TCF7L2: variants seen among roughly 807,000 people sequenced by gnomAD.
TCF7L2 encodes transcription factor 7-like 2.
Under a neutral mutation model 77.9 loss-of-function variants are expected in TCF7L2, and 23 were observed. The ratio of observed to expected loss-of-function variants is 0.30; its 90% confidence interval spans 0.21 to 0.42. The LOEUF is 0.42. Ranked by LOEUF, TCF7L2 falls within the 10% of genes least tolerant of loss-of-function variation. TCF7L2 has a pLI of 1.00. For synonymous variants in TCF7L2, 413 were observed against 340.2 expected, an observed-to-expected ratio of 1.21 and a Z score of -2.36; for missense variants, 654 against 793.1, an observed-to-expected ratio of 0.82 and a Z score of 2.11.
intron 5 of TCF7L2, among the ~76,000 whole-genome samples, chr10:113,136,255 G>A (rs1327609754): frequency 6.6e-6 from 1 of 152,134 alleles, no homozygotes; most frequent in Non-Finnish European, 1.5e-5. Flanking sequence ...ATTAAACGGC[G>A]GCCACCCTGA....
chr10:112,999,115 C>A (rs1039453744), intron 4 of TCF7L2, among the ~76,000 whole-genome samples: 6 of 152,370 alleles, frequency 3.9e-5, no homozygotes, highest in Admixed American at 3.9e-4. Flanking sequence ...CTCTTGGGTT[C>A]AAATGATCCT....
intron 4 of TCF7L2, among the ~76,000 whole-genome samples, chr10:112,973,832 TG>T (rs1164404379): frequency 7.9e-5 from 12 of 152,256 alleles, no homozygotes; most frequent in Admixed American, 3.9e-4. Flanking sequence ...TCAAGTAATC[TG>T]CCCGCCTTGG....
rs116030639 is a variant in TCF7L2, at chr10:113,136,675, A to G, written c.553-4509A>G. ...TTCCCTTGCACATTGGGCTCTGTTT[A>G]TAAAGAGATAAAAGGGGGAGGGAAT... On this transcript the variant is annotated intron_variant, in intron 5 of 13. Coordinates refer to ENST00000627217, the MANE Select transcript of TCF7L2 (RefSeq NM_001146274.2). 3.3e-3 allele frequency among the ~76,000 whole-genome samples: 498 copies of G among 152,326 alleles called. 6 individuals are homozygous for G. The highest frequency in any genetic ancestry group is 0.012 in the African/African-American group (483 of 41,576).
chr10:113,133,434 A>G (rs2066915172), intron 5 of TCF7L2: 1 of 152,100 alleles, frequency 6.6e-6, no homozygotes, highest in African/African-American at 2.4e-5. Context: ...GAGGATAGAG[A>G]AAAGGTCTTT....
rs2074002938 is a variant in TCF7L2 at position 113,165,707 on chromosome 10, A to T, written c.1544A>T (p.Gln515Leu). The T allele has an allele frequency of 1.3e-6, 2 of 1,569,600 alleles. No homozygotes were observed. Among genetic ancestry groups the T allele is most frequent in the Admixed American group, 3.7e-5 (2 of 54,662 alleles). ...GCCAAGTCACAGACTGAGCAGACCCAGCCTCTGTCGCTGTCCCTGAAGCCC... is the reference window on the plus strand; with the variant it reads ...GCCAAGTCACAGACTGAGCAGACCCTGCCTCTGTCGCTGTCCCTGAAGCCC... The change falls in exon 14 of 14, where the codon CAG (glutamine) becomes CTG (leucine). Residue 515 changes from glutamine (Q) to leucine (L), a missense_variant. Coordinates refer to ENST00000627217, the MANE Select transcript of TCF7L2 (RefSeq NM_001146274.2).
chr10:113,007,066 G>C (rs1383472554), intron 4 of TCF7L2, among the ~76,000 whole-genome samples: 1 of 152,250 alleles, frequency 6.6e-6, no homozygotes, highest in African/African-American at 2.4e-5. Flanking sequence ...CTCTGTCCTT[G>C]TGTATTACCT....
At chr10:113,036,115 C>CCATCAT (rs71869784) in intron 4 of TCF7L2, among the ~76,000 whole-genome samples, 122 of 146,588 alleles carry the variant, frequency 8.3e-4, no homozygotes, top group Admixed American at 1.4e-3. Flanking sequence ...ATCATCATCA[C>CCATCAT]CATCATCATC....
At chr10:112,964,161 C>T (rs1448334861) in intron 3 of TCF7L2, among the ~76,000 whole-genome samples, 1 of 152,100 alleles carries the variant, frequency 6.6e-6, no homozygotes, top group Non-Finnish European at 1.5e-5. Flanking sequence ...CTAATCCTTC[C>T]TCTTGCCTAC....
At chr10:113,164,775 G>A (rs1390553808) in intron 13 of TCF7L2, among the ~76,000 whole-genome samples, 1 of 148,764 alleles carries the variant, frequency 6.7e-6, no homozygotes, top group Non-Finnish European at 1.5e-5. Flanking sequence ...TTCGTTTTTT[G>A]TTTTTTGTTT....
chr10:113,162,267 C>T (rs930857134), intron 13 of TCF7L2, among the ~76,000 whole-genome samples: 3 of 152,174 alleles, frequency 2.0e-5, no homozygotes, highest in Admixed American at 1.3e-4. Context: ...CTATTGTGTG[C>T]TCCTCACAAT....
chr10:113,142,934 C>T (rs2068644003), intron 6 of TCF7L2, among the ~76,000 whole-genome samples: 1 of 152,216 alleles, frequency 6.6e-6, no homozygotes, highest in Non-Finnish European at 1.5e-5. Context: ...AAAGCAATGT[C>T]TGCATGAAAA....
At chr10:113,141,395 C>T (rs2068350421) in intron 6 of TCF7L2, 79 bp downstream of exon 6, 1 of 1,593,302 alleles carries the variant, frequency 6.3e-7, no homozygotes, top group Non-Finnish European at 8.6e-7. Context: ...CCACAGGAAC[C>T]CCAGGGGTGG....
At chr10:113,146,486 T>C (rs1354881587) in intron 8 of TCF7L2, among the ~76,000 whole-genome samples, 1 of 152,144 alleles carries the variant, frequency 6.6e-6, no homozygotes, top group African/African-American at 2.4e-5. Flanking sequence ...TTCTCAAAGC[T>C]CAGACTCTGA....
chr10:112,974,961 G>T (rs1457662145), intron 4 of TCF7L2, among the ~76,000 whole-genome samples: 1 of 144,752 alleles, frequency 6.9e-6, no homozygotes, highest in East Asian at 2.1e-4. Flanking sequence ...CAGATAAGTG[G>T]TTGCTTCTTT....
chr10:112,991,519 GA>G (rs1389649425), intron 4 of TCF7L2, among the ~76,000 whole-genome samples: 1 of 144,336 alleles, frequency 6.9e-6, no homozygotes, highest in Non-Finnish European at 1.5e-5. Context: ...AAAAAAAAAA[GA>G]AAGAAAAAAA....
chr10:113,077,702 CTTTT>C (rs34093384), intron 5 of TCF7L2, among the ~76,000 whole-genome samples: 1 of 134,106 alleles, frequency 7.5e-6, no homozygotes, highest in Non-Finnish European at 1.6e-5. Flanking sequence ...TTCTTTTCTT[CTTTT>C]TTTTTTTTTT....
intron 5 of TCF7L2, among the ~76,000 whole-genome samples, chr10:113,053,180 G>A (rs2054766620): frequency 6.6e-6 from 1 of 152,180 alleles, no homozygotes; most frequent in Non-Finnish European, 1.5e-5. Context: ...TTGGACGTCT[G>A]TGTGGAATAA....
intron 5 of TCF7L2, among the ~76,000 whole-genome samples, chr10:113,085,540 C>T (rs940731056): frequency 6.6e-6 from 1 of 152,224 alleles, no homozygotes; most frequent in African/African-American, 2.4e-5. Context: ...ATTGCATTAG[C>T]GTTTGAATAT....
chr10:112,996,877 G>T (rs528513711), intron 4 of TCF7L2, among the ~76,000 whole-genome samples: 10 of 152,208 alleles, frequency 6.6e-5, no homozygotes, highest in Non-Finnish European at 1.3e-4. Context: ...GCTCTTCTGG[G>T]ACTGCAGGGA....
Sources: gnomAD v4.1 joint callset for allele counts (sites outside exome capture counted in the v4.1 genomes callset) on GRCh38, gnomAD v4.1.1 for gene constraint, MANE v1.5 for transcripts, NCBI Gene and HGNC (gene_info 2026-07-23, HGNC 2026-07-21) for gene names.